The following ZSWIM5 variants were observed in gnomAD, a reference collection of about 807,000 sequenced individuals.
ZSWIM5 encodes zinc finger SWIM-type containing 5, also known as zinc finger SWIM domain-containing protein 5.
A neutral mutation model predicts 119.6 loss-of-function variants in ZSWIM5; 55 were observed. The observed-to-expected ratio is 0.46, with a 90% CI of 0.37 to 0.58. The LOEUF (loss-of-function observed/expected upper bound fraction) is 0.58. Ranked by LOEUF, ZSWIM5 falls within the 20% of genes least tolerant of loss-of-function variation. ZSWIM5 has a pLI of 0.00. For synonymous variants in ZSWIM5, 537 were observed against 606.9 expected (o/e 0.88, Z 1.69); for missense variants, 1,193 against 1,512.8 (o/e 0.79, Z 3.51).
intron 11 of ZSWIM5, among the ~76,000 whole-genome samples, chr1:45,025,396 G>C (rs1419083531): frequency 6.6e-6 from 1 of 152,188 alleles, no homozygotes; most frequent in Non-Finnish European, 1.5e-5. Flanking sequence ...TAAATCTATA[G>C]ATCACATTGG....
chr1:45,176,145 T>A (rs895097133), intron 1 of ZSWIM5, among the ~76,000 whole-genome samples: 3 of 148,402 alleles, frequency 2.0e-5, no homozygotes, highest in South Asian at 2.1e-4. Flanking sequence ...TATATATATA[T>A]AATATATATT....
chr1:45,169,023 T>C (rs532493748), intron 1 of ZSWIM5, among the ~76,000 whole-genome samples: 3 of 152,240 alleles, frequency 2.0e-5, no homozygotes, highest in East Asian at 3.9e-4. Flanking sequence ...CAGAAAGATA[T>C]ACAAAACTCT....
chr1:45,104,628 T>G (rs1557766878), intron 1 of ZSWIM5, among the ~76,000 whole-genome samples: 7 of 152,166 alleles, frequency 4.6e-5, no homozygotes. Context: ...TATTGTTATT[T>G]GGGAATACAA....
chr1:45,088,266 A>G lies in ZSWIM5; in HGVS notation c.596-29T>C. The stretch of plus-strand genomic sequence containing the variant: ...AGGAAACACAAAAGAAACTGTGTTT[A>G]GAGATTCTAGAGTAATAAACTTAGA... On this transcript the variant is annotated intron_variant, in intron 1 of 13. Coordinates refer to ENST00000359600, the MANE Select transcript of ZSWIM5 (RefSeq NM_020883.2). The surrounding 1 kb of genome is among the most constrained non-coding windows in gnomAD (Gnocchi z 4.2). 7.0e-7 allele frequency: 1 copy of G among 1,438,678 alleles called. No homozygotes were observed. 89.1% of individuals were successfully genotyped at this position (1,438,678 alleles called of 1,614,324 possible). A position where few individuals can be genotyped will look rare whatever the true frequency, so the allele number is the denominator to read the frequency against.
chr1:45,069,900 T>C (rs1645211337), intron 2 of ZSWIM5: 1 of 507,250 alleles, frequency 2.0e-6, no homozygotes, highest in East Asian at 3.2e-5. Context: ...CATTTCATAT[T>C]AGAGGACTGG....
At chr1:45,049,582 G>T (rs1482406413) in intron 5 of ZSWIM5, among the ~76,000 whole-genome samples, 2 of 152,150 alleles carry the variant, frequency 1.3e-5, no homozygotes, top group African/African-American at 4.8e-5. Flanking sequence ...ACTTTGGGAG[G>T]CCAAGACGGG....
chr1:45,032,488 GTT>G (rs34834480), intron 11 of ZSWIM5, among the ~76,000 whole-genome samples: 120,691 of 133,528 alleles, frequency 0.9, 55,060 homozygotes, highest in South Asian at 0.98. Flanking sequence ...GACAGTTTTT[GTT>G]TTTTTTTTTT....
At chr1:45,184,681 C>G (rs1322138712) in intron 1 of ZSWIM5, among the ~76,000 whole-genome samples, 1 of 151,864 alleles carries the variant, frequency 6.6e-6, no homozygotes, top group Admixed American at 6.6e-5. Flanking sequence ...ACTTAGGTAT[C>G]CAACTTACAA....
chr1:45,017,379 T>C lies in ZSWIM5; in HGVS notation c.*1075A>G, dbSNP rs1222918302. The C allele has an allele frequency of 1.3e-5, 2 of 152,128 alleles. No individual in the cohort carries two copies. Among genetic ancestry groups the C allele is most frequent in the East Asian group, 3.9e-4 (2 of 5,194 alleles). The allele number at this position is 152,128 out of a possible 1,614,324, so 9.4% of individuals were successfully genotyped here. On this transcript the variant is annotated 3_prime_UTR_variant, in exon 14 of 14. Transcript: ENST00000359600. Reference sequence around the variant, plus strand: ...TACACATACTAAACATGCACAAACATGAGTGCATTTGCACAAAGATGTGCA... The same window carrying C: ...TACACATACTAAACATGCACAAACACGAGTGCATTTGCACAAAGATGTGCA...
intron 1 of ZSWIM5, among the ~76,000 whole-genome samples, chr1:45,150,022 T>C (rs1326123361): frequency 6.6e-6 from 1 of 151,376 alleles, no homozygotes; most frequent in Non-Finnish European, 1.5e-5. Context: ...ATTTAAATAT[T>C]AGCAGGGCAT....
intron 1 of ZSWIM5, among the ~76,000 whole-genome samples, chr1:45,179,351 T>C (rs1187773820): frequency 4.6e-5 from 7 of 152,004 alleles, no homozygotes; most frequent in Non-Finnish European, 1.0e-4. Context: ...AAACAGAAAT[T>C]CAAAGACTAA....
intron 1 of ZSWIM5, among the ~76,000 whole-genome samples, chr1:45,182,838 A>G (rs1646030424): frequency 6.6e-6 from 1 of 152,052 alleles, no homozygotes. Context: ...AGACAGATCA[A>G]CAAGACAGAA....
At chr1:45,065,720 A>AC (rs1018129352) in intron 2 of ZSWIM5, among the ~76,000 whole-genome samples, 4 of 152,196 alleles carry the variant, frequency 2.6e-5, no homozygotes, top group Non-Finnish European at 5.9e-5. Flanking sequence ...TGACAGCAGC[A>AC]AAAAAGGAAG....
chr1:45,097,275 T>C (rs1042039052), intron 1 of ZSWIM5, among the ~76,000 whole-genome samples: 2 of 152,224 alleles, frequency 1.3e-5, no homozygotes, highest in Admixed American at 1.3e-4. Context: ...AAAGACCATT[T>C]TTCTGTTTGG....
At chr1:45,137,021 C>T (rs375186584) in intron 1 of ZSWIM5, among the ~76,000 whole-genome samples, 4 of 152,264 alleles carry the variant, frequency 2.6e-5, no homozygotes, top group African/African-American at 9.6e-5. Flanking sequence ...TTAGCTTCTC[C>T]CTTCTACCAG....
intron 11 of ZSWIM5, among the ~76,000 whole-genome samples, chr1:45,022,467 T>C (rs557640048): frequency 2.0e-5 from 3 of 152,300 alleles, no homozygotes; most frequent in Non-Finnish European, 2.9e-5. Context: ...ATACATAGTG[T>C]GTGTGCATAT....
chr1:45,089,445 G>C (rs776107261), intron 1 of ZSWIM5, among the ~76,000 whole-genome samples: 4 of 152,188 alleles, frequency 2.6e-5, no homozygotes, highest in Non-Finnish European at 5.9e-5. Flanking sequence ...CTATGTAGCA[G>C]AACTGTTTTG....
At chr1:45,059,301 CCA>C (rs898497844) in intron 3 of ZSWIM5, among the ~76,000 whole-genome samples, 19 of 152,186 alleles carry the variant, frequency 1.2e-4, no homozygotes, top group African/African-American at 4.1e-4. Context: ...AACAATAAAT[CCA>C]CATTTATTGT....
intron 1 of ZSWIM5, among the ~76,000 whole-genome samples, chr1:45,104,784 GT>G (rs908873244): frequency 1.1e-4 from 16 of 152,286 alleles, no homozygotes; most frequent in African/African-American, 3.9e-4. Flanking sequence ...AAATCAAGTG[GT>G]TTTCCCTGTA....
Sources: allele counts gnomAD v4.1 joint callset (sites outside exome capture counted in the v4.1 genomes callset), GRCh38; gene constraint gnomAD v4.1.1; non-coding constraint Gnocchi (gnomAD v3.1); transcripts MANE v1.5; gene names NCBI Gene and HGNC (gene_info 2026-07-23, HGNC 2026-07-21).